Variants in RBFOX1 observed in about 807,000 individuals in gnomAD.
The protein encoded by RBFOX1 is RNA binding fox-1 homolog 1.
Under a neutral mutation model 57.7 loss-of-function variants are expected in RBFOX1, and 8 were observed. The ratio of observed to expected loss-of-function variants is 0.14; its 90% CI spans 0.08 to 0.25. RBFOX1 has a LOEUF of 0.25. Among genes scored for constraint, RBFOX1 ranks in the 10% least tolerant of loss-of-function variants. RBFOX1 has a pLI of 1.00. For missense variants in RBFOX1, 611 were observed against 548.5 expected, an observed-to-expected ratio of 1.11 and a Z score of -1.14; for synonymous variants, 326 against 222.4, an observed-to-expected ratio of 1.47 and a Z score of -4.15.
chr16:7,535,220 C>T (rs1047651433), intron 5 of RBFOX1, among the ~76,000 whole-genome samples: 3 of 152,110 alleles, frequency 2.0e-5, no homozygotes, highest in African/African-American at 4.8e-5. Context: ...TTGCAAACAG[C>T]CCTTATGAAA....
At chr16:7,595,496 T>C (rs991284871) in intron 7 of RBFOX1, 53 bp from the exon 8 acceptor site, 2 of 1,391,592 alleles carry the variant, frequency 1.4e-6, no homozygotes, top group South Asian at 2.9e-5. Flanking sequence ...CAAGTGGTCG[T>C]TGACTGAAAT....
At chr16:7,681,864 G>A (rs72776891) in intron 14 of RBFOX1, among the ~76,000 whole-genome samples, 15,042 of 152,128 alleles carry the variant, frequency 0.099, 910 homozygotes, top group Middle Eastern at 0.17. Context: ...GATAGGGATT[G>A]AAAATATTTC....
intron 4 of RBFOX1, among the ~76,000 whole-genome samples, chr16:7,418,671 C>G (rs922370549): frequency 6.6e-6 from 1 of 152,134 alleles, no homozygotes; most frequent in Non-Finnish European, 1.5e-5. Flanking sequence ...AATTTTTACT[C>G]CCTTACTTTT....
intron 1 of RBFOX1, among the ~76,000 whole-genome samples, chr16:6,150,285 G>C (rs1023414372): frequency 7.9e-5 from 12 of 152,206 alleles, no homozygotes; most frequent in Middle Eastern, 3.4e-3. Flanking sequence ...AGTTTACCCA[G>C]ATTGTTATGA....
chr16:7,287,877 T>C (rs938239924), intron 4 of RBFOX1, among the ~76,000 whole-genome samples: 4 of 152,226 alleles, frequency 2.6e-5, no homozygotes, highest in Admixed American at 1.3e-4. Context: ...GTGTGCATTT[T>C]TCTGCTTCTT....
At chr16:6,955,897 G>C (rs1012932541) in intron 3 of RBFOX1, among the ~76,000 whole-genome samples, 1 of 151,978 alleles carries the variant, frequency 6.6e-6, no homozygotes, top group Non-Finnish European at 1.5e-5. Context: ...GTAGAGATGG[G>C]GTTTCACCAT....
intron 2 of RBFOX1, among the ~76,000 whole-genome samples, chr16:6,369,676 A>G (rs1600205500): frequency 6.6e-6 from 1 of 152,144 alleles, no homozygotes; most frequent in Non-Finnish European, 1.5e-5. Context: ...CCTCATGTAA[A>G]GTTTTTCACT....
intron 2 of RBFOX1, among the ~76,000 whole-genome samples, chr16:6,438,808 G>A (rs1263433470): frequency 6.6e-6 from 1 of 150,918 alleles, no homozygotes; most frequent in Admixed American, 6.6e-5. Flanking sequence ...CATTATGCAT[G>A]ATAAGTGTTT....
chr16:6,483,168 AT>A, intron 2 of RBFOX1: 1 of 1,109,758 alleles, frequency 9.0e-7, no homozygotes, highest in Non-Finnish European at 1.1e-6. Flanking sequence ...TGGGCGTCTC[AT>A]TTGGCGAGCG....
chr16:7,206,591 A>G (rs1237301020), intron 4 of RBFOX1, among the ~76,000 whole-genome samples: 2 of 152,034 alleles, frequency 1.3e-5, no homozygotes, highest in Admixed American at 1.3e-4. Context: ...GGCTGATTTT[A>G]TTGCCAGTCA....
At chr16:7,120,040 T>G (rs979399434) in intron 4 of RBFOX1, among the ~76,000 whole-genome samples, 1 of 83,766 alleles carries the variant, frequency 1.2e-5, no homozygotes, top group African/African-American at 3.1e-5. Flanking sequence ...ATCAGTAACA[T>G]AAAATAAACT....
intron 3 of RBFOX1, among the ~76,000 whole-genome samples, chr16:5,665,433 C>G (rs2049809695): frequency 8.1e-6 from 1 of 123,004 alleles, no homozygotes; most frequent in African/African-American, 2.6e-5. Context: ...ACCCCTTGTT[C>G]TCTGGCCTCC....
chr16:6,752,162 C>A (rs2075051824), intron 3 of RBFOX1, among the ~76,000 whole-genome samples: 1 of 152,090 alleles, frequency 6.6e-6, no homozygotes, highest in African/African-American at 2.4e-5. Flanking sequence ...AAAGTACAGC[C>A]TTAGTAGTCT....
intron 3 of RBFOX1, among the ~76,000 whole-genome samples, chr16:5,825,556 A>T (rs35809038): frequency 1.3e-5 from 2 of 152,200 alleles, no homozygotes; most frequent in Non-Finnish European, 2.9e-5. Flanking sequence ...TGCATTTTTT[A>T]TGGTAAAAAC....
rs147906214 is a variant in RBFOX1, at chr16:5,427,737, A to G, written c.220-39479A>G. On this transcript the variant is annotated intron_variant, in intron 1 of 2. Coordinates refer to the RBFOX1 transcript ENST00000585867. ...AATTTCCTCTTGCTCCCGAGAGGTCAGTCTTGTTTTGCTCATGCCTTCACC... is the reference window on the plus strand; with the variant it reads ...AATTTCCTCTTGCTCCCGAGAGGTCGGTCTTGTTTTGCTCATGCCTTCACC... 1.2e-4 allele frequency among the ~76,000 whole-genome samples: 18 copies of G among 152,264 alleles called. 1 individual carries two copies. Among genetic ancestry groups the G allele is most frequent in the African/African-American group, 4.3e-4 (18 of 41,554 alleles).
chr16:7,539,606 A>G (rs1036161761), intron 5 of RBFOX1, among the ~76,000 whole-genome samples: 3 of 152,236 alleles, frequency 2.0e-5, no homozygotes, highest in East Asian at 1.9e-4. Context: ...AATCTTCTAC[A>G]TAGAGGTGAT....
At chr16:6,935,808 C>G (rs904370255) in intron 3 of RBFOX1, among the ~76,000 whole-genome samples, 4 of 152,162 alleles carry the variant, frequency 2.6e-5, no homozygotes, top group African/African-American at 9.7e-5. Flanking sequence ...ATGCATGTCT[C>G]TAAGGCATGC....
chr16:5,253,858 C>T (rs1315180986), intron 1 of RBFOX1, among the ~76,000 whole-genome samples: 5 of 152,242 alleles, frequency 3.3e-5, no homozygotes, highest in African/African-American at 1.2e-4. Context: ...CTCTCCCTGC[C>T]TCTTCACCTG....
intron 3 of RBFOX1, among the ~76,000 whole-genome samples, chr16:6,666,308 C>G (rs75652256): frequency 1.1e-3 from 171 of 152,164 alleles, no homozygotes; most frequent in African/African-American, 3.8e-3. Flanking sequence ...CTTAGGCGGG[C>G]GGATCACCTG....
Sources: allele counts gnomAD v4.1 joint callset (sites outside exome capture counted in the v4.1 genomes callset), GRCh38; gene constraint gnomAD v4.1.1; transcripts MANE v1.5; gene names NCBI Gene and HGNC (gene_info 2026-07-23, HGNC 2026-07-21).